Variants in MGAT5B observed in about 807,000 individuals in gnomAD.
MGAT5B encodes the protein alpha-1,6-mannosylglycoprotein 6-beta-N-acetylglucosaminyltransferase B, also known as N-acetylglucosaminyl-transferase Vb.
Under a neutral mutation model 95.1 loss-of-function variants are expected in MGAT5B, and 54 were observed. The ratio of observed to expected loss-of-function variants is 0.57; its 90% confidence interval spans 0.46 to 0.71. The LOEUF (loss-of-function observed/expected upper bound fraction) is 0.71. Among genes scored for constraint, MGAT5B ranks in the 30% least tolerant of loss-of-function variants. The pLI is 0.00. For synonymous variants in MGAT5B, 464 were observed against 451.0 expected (o/e 1.03, Z -0.36); for missense variants, 935 against 1,088.6 (o/e 0.86, Z 1.99).
At chr17:76,897,678 T>TTTCC (rs1598922464) in intron 3 of MGAT5B, among the ~76,000 whole-genome samples, 4 of 84,868 alleles carry the variant, frequency 4.7e-5, no homozygotes, top group South Asian at 8.8e-4. Context: ...TCTTTCTTTC[T>TTTCC]TTCTTTCTTT....
At chr17:76,899,108 G>C (rs1968206861) in intron 3 of MGAT5B, among the ~76,000 whole-genome samples, 1 of 152,262 alleles carries the variant, frequency 6.6e-6, no homozygotes, top group South Asian at 2.1e-4. Context: ...CCTCCAGGAA[G>C]GGCTGAAACG....
chr17:76,875,177 G>C (rs1354611880), intron 2 of MGAT5B, among the ~76,000 whole-genome samples: 1 of 152,124 alleles, frequency 6.6e-6, no homozygotes, highest in Admixed American at 6.5e-5. Flanking sequence ...TGTGAGCATG[G>C]AATCGTTTCA....
chr17:76,879,021 A>G (rs978167787), intron 2 of MGAT5B, among the ~76,000 whole-genome samples: 1 of 152,188 alleles, frequency 6.6e-6, no homozygotes, highest in East Asian at 1.9e-4. Context: ...GACTGGGCCC[A>G]TGCCACCATG....
Position 76,903,180 on chromosome 17 carries a change from A to C in MGAT5B, c.446-123A>C, listed in dbSNP as rs140771480. On this transcript the variant is annotated intron_variant, in intron 4 of 17. Transcript: ENST00000569840. ...ACCTTGTGGGTGGGTTGTGCGGCTGATGAGCTTTAAGGTGGGAAAGCCTGG... is the reference window on the plus strand; with the variant it reads ...ACCTTGTGGGTGGGTTGTGCGGCTGCTGAGCTTTAAGGTGGGAAAGCCTGG... The C allele has an allele frequency of 1.1e-3, 836 of 749,024 alleles. 7 individuals are homozygous for C. In the African/African-American group the frequency reaches 0.014, roughly 13 times the overall value. 46.4% of individuals were successfully genotyped at this position (749,024 alleles called of 1,614,324 possible).
intron 2 of MGAT5B, among the ~76,000 whole-genome samples, chr17:76,874,210 A>G (rs1331288410): frequency 6.6e-6 from 1 of 152,172 alleles, no homozygotes; most frequent in Non-Finnish European, 1.5e-5. Context: ...CCCACTTCCC[A>G]GGCTCGTTGC....
chr17:76,924,856 T>C, intron 8 of MGAT5B, 110 bp from the exon 9 acceptor site: 1 of 1,363,278 alleles, frequency 7.3e-7, no homozygotes, highest in Non-Finnish European at 1.0e-6. Context: ...TGAGAGTCTG[T>C]GCTAAGCTCT....
At chr17:76,944,332 A>C (rs1318204202) in intron 15 of MGAT5B, 1 of 152,264 alleles carries the variant, frequency 6.6e-6, no homozygotes, top group Non-Finnish European at 1.5e-5. Context: ...CAGGAGCAAG[A>C]GTAACTCAGA....
Position 76,938,196 on chromosome 17 carries a change from G to C in MGAT5B, c.1584+53G>C, listed in dbSNP as rs1969738731. ...CACACTTGCCGGCTGCAGACACTGA[G>C]GTCACCACCCATGCCTGCCACCACC... On this transcript the variant is annotated intron_variant, in intron 13 of 17. Coordinates refer to ENST00000569840, the MANE Select transcript of MGAT5B (RefSeq NM_001199172.2). This position sits in a 1 kb window ranked among gnomAD's most constrained non-coding sequence, Gnocchi z 4.3. The C allele has an allele frequency of 6.3e-7, 1 of 1,598,400 alleles. No individual in the cohort carries two copies.
intron 3 of MGAT5B, among the ~76,000 whole-genome samples, chr17:76,897,668 T>A (rs954049230): frequency 1.5e-5 from 1 of 66,742 alleles, no homozygotes; most frequent in African/African-American, 1.3e-4. Context: ...CCACTTTCTT[T>A]CTTTCTTTCT....
At chr17:76,900,916 TG>T (rs1368661721) in intron 3 of MGAT5B, among the ~76,000 whole-genome samples, 21,121 of 151,190 alleles carry the variant, frequency 0.14, 1,936 homozygotes, top group African/African-American at 0.24. Flanking sequence ...TGTGTGCGTG[TG>T]TACATGTGTG....
chr17:76,931,138 C>T (rs973458572), intron 10 of MGAT5B, among the ~76,000 whole-genome samples: 1 of 152,138 alleles, frequency 6.6e-6, no homozygotes. Flanking sequence ...GCTCTGTTGC[C>T]CAGGCTGGAG....
intron 12 of MGAT5B, among the ~76,000 whole-genome samples, chr17:76,936,284 C>T (rs4788960): frequency 0.067 from 10,110 of 151,918 alleles, 387 homozygotes; most frequent in South Asian, 0.11. Context: ...GGCGTGCGCC[C>T]GTAGTCCCAG....
At position 76,926,594 on chromosome 17, in the gene MGAT5B, C is replaced by A; in HGVS notation, c.1158-3C>A. On this transcript the variant is annotated splice_polypyrimidine_tract_variant and splice_region_variant and intron_variant, in intron 9 of 17. Coordinates refer to ENST00000569840, the MANE Select transcript of MGAT5B (RefSeq NM_001199172.2). ...CCTGGTTCCTGGTCCCCTGGGGGGG[C>A]AGGTGCCGAATCAGGGTCATCGACA... is the stretch of plus-strand genomic sequence containing the variant. 1 of 1,607,634 alleles carries A rather than the reference C, an allele frequency of 6.2e-7. No homozygotes were observed. The highest frequency in any genetic ancestry group is 1.1e-5 in the South Asian group (1 of 90,630).
rs1252614910 is a variant in MGAT5B, at chr17:76,897,680, T to C, written c.330-4875T>C. On this transcript the variant is annotated intron_variant, in intron 3 of 17. Coordinates refer to ENST00000569840, the MANE Select transcript of MGAT5B (RefSeq NM_001199172.2). ...AGGCCACTTTCTTTCTTTCTTTCTT[T>C]CTTTCTTTCTTTCTTTCTTTCTTTC... is the stretch of plus-strand genomic sequence containing the variant. Among the ~76,000 whole-genome samples the C allele has an allele frequency of 1.0e-4, 9 of 85,736 alleles. No homozygotes were observed. The East Asian group carries it at 2.7e-3, about 26-fold the overall frequency. 56.2% of individuals were successfully genotyped at this position (85,736 alleles called of 152,430 possible). A position where few individuals can be genotyped will look rare whatever the true frequency, so the allele number is the denominator to read the frequency against.
chr17:76,908,798 C>T (rs1381449950), intron 8 of MGAT5B, among the ~76,000 whole-genome samples: 1 of 149,134 alleles, frequency 6.7e-6, no homozygotes, highest in East Asian at 2.0e-4. Flanking sequence ...GTATAGTCTC[C>T]CTACTCTGCT....
chr17:76,926,799 G>T, intron 10 of MGAT5B, 69 bp downstream of exon 10: 2 of 1,560,862 alleles, frequency 1.3e-6, no homozygotes, highest in Non-Finnish European at 1.7e-6. Flanking sequence ...GACACGAGAG[G>T]CGGCCAGGGT....
In MGAT5B at chr17:76,902,706, A is replaced by G. The variant is rs781120951; in HGVS notation, c.445+36A>G. On this transcript the variant is annotated intron_variant, in intron 4 of 17. Coordinates refer to ENST00000569840, the MANE Select transcript of MGAT5B (RefSeq NM_001199172.2). ...GGGGGCGGGGGTACCCTCTACCCCTAGGGGGCCAATGAACTGGGTGCTGGG... is the reference window on the plus strand; with the variant it reads ...GGGGGCGGGGGTACCCTCTACCCCTGGGGGGCCAATGAACTGGGTGCTGGG... 5.6e-6 allele frequency: 5 copies of G among 892,874 alleles called. No homozygotes were observed. In the African/African-American group the frequency reaches 6.7e-5, roughly 12 times the overall value. 55.3% of individuals were successfully genotyped at this position (892,874 alleles called of 1,614,324 possible).
At chr17:76,904,862 G>A (rs510599) in intron 6 of MGAT5B, among the ~76,000 whole-genome samples, 34,524 of 152,008 alleles carry the variant, frequency 0.23, 6,308 homozygotes, top group African/African-American at 0.49. Flanking sequence ...CCCTGCCATC[G>A]GAGTCCTGGC....
chr17:76,904,187 C>A, intron 5 of MGAT5B, 65 bp from the exon 6 acceptor site: 1 of 1,495,892 alleles, frequency 6.7e-7, no homozygotes, highest in Non-Finnish European at 9.0e-7. Context: ...GGTGCACGTG[C>A]GGGGGAGTCC....
Sources: allele counts gnomAD v4.1 joint callset (sites outside exome capture counted in the v4.1 genomes callset), GRCh38; gene constraint gnomAD v4.1.1; non-coding constraint Gnocchi (gnomAD v3.1); transcripts MANE v1.5; gene names NCBI Gene and HGNC (gene_info 2026-07-23, HGNC 2026-07-21).